Variants in MARS1 observed in about 807,000 individuals in gnomAD.
MARS1 encodes methionyl-tRNA synthetase 1.
Under a neutral mutation model 119.5 loss-of-function variants are expected in MARS1, and 80 were observed. The observed-to-expected ratio is 0.67, with a 90% CI of 0.56 to 0.81. The LOEUF is 0.81. MARS1 is among the 30% of genes least tolerant of loss of function. The pLI is 0.00. For missense variants in MARS1, 945 were observed against 1,116.5 expected, an observed-to-expected ratio of 0.85 and a Z score of 2.19; for synonymous variants, 418 against 433.4, an observed-to-expected ratio of 0.96 and a Z score of 0.44.
chr12:57,496,115 C>T (rs1024749529), intron 7 of MARS1, among the ~76,000 whole-genome samples: 46 of 151,576 alleles, frequency 3.0e-4, no homozygotes, highest in African/African-American at 9.9e-4. Flanking sequence ...CCACTTGTCT[C>T]GGCCTCCCAA....
Position 57,516,616 on chromosome 12 carries a change from T to G in MARS1, c.*35T>G, listed in dbSNP as rs760924937. Reference sequence around the variant, plus strand: ...GCTCATAGAAAGTCACTTTAATAGATAGGGACAGTAATAAATAAATGTACA... The same window carrying G: ...GCTCATAGAAAGTCACTTTAATAGAGAGGGACAGTAATAAATAAATGTACA... On this transcript the variant is annotated 3_prime_UTR_variant, in exon 21 of 21. Transcript: ENST00000262027. The G allele has an allele frequency of 6.5e-7, 1 of 1,545,996 alleles. No individual in the cohort carries two copies. Among genetic ancestry groups the G allele is most frequent in the African/African-American group, 1.4e-5 (1 of 71,974 alleles).
intron 9 of MARS1, among the ~76,000 whole-genome samples, chr12:57,499,065 C>T (rs1876784083): frequency 2.1e-5 from 3 of 143,838 alleles, no homozygotes; most frequent in South Asian, 2.2e-4. Context: ...GGGCGGCTCA[C>T]CGGAGGTCAG....
chr12:57,488,327 T>C (rs1875619035), intron 1 of MARS1, 128 bp downstream of exon 1: 1 of 865,628 alleles, frequency 1.2e-6, no homozygotes, highest in Non-Finnish European at 1.8e-6. Flanking sequence ...TCTCCTATTA[T>C]CCTTGATCAC....
chr12:57,488,607 T>C, intron 1 of MARS1: 1 of 1,551,102 alleles, frequency 6.4e-7, no homozygotes, highest in Non-Finnish European at 8.7e-7. Flanking sequence ...TTCCTTTCTG[T>C]TTACCTCTTC....
chr12:57,489,761 G>C (rs965981359), intron 4 of MARS1, 135 bp from the exon 5 acceptor site: 2 of 1,075,648 alleles, frequency 1.9e-6, no homozygotes, highest in Admixed American at 3.7e-5. Flanking sequence ...GTTATTGTGA[G>C]GATTAAGTGA....
intron 10 of MARS1, among the ~76,000 whole-genome samples, chr12:57,502,696 A>AT (rs1332326054): frequency 8.6e-6 from 1 of 116,376 alleles, no homozygotes; most frequent in Non-Finnish European, 1.7e-5. Flanking sequence ...ACAGAGCGAG[A>AT]TTTTGTCTCA....
In MARS1 at chr12:57,515,915, T is replaced by TA. The variant is rs1877787091; in HGVS notation, c.2392-4dup. On this transcript the variant is annotated splice_region_variant and splice_polypyrimidine_tract_variant and intron_variant, in intron 18 of 20. Coordinates refer to ENST00000262027, the MANE Select transcript of MARS1 (RefSeq NM_004990.4). The stretch of plus-strand genomic sequence containing the variant: ...GTAGATGATTCTGGAACTCTTTTTT[T>TA]ACAGGTCAGTCCCTTGTTCCAAAAA... The TA allele has an allele frequency of 6.2e-7, 1 of 1,612,256 alleles. No individual in the cohort carries two copies. The highest frequency in any genetic ancestry group is 1.3e-5 in the African/African-American group (1 of 74,782).
At chr12:57,488,570 T>C in intron 1 of MARS1, 1 of 1,550,534 alleles carries the variant, frequency 6.4e-7, no homozygotes, top group East Asian at 2.4e-5. Flanking sequence ...AGGAAATCCC[T>C]CTCTCCCCTC....
intron 11 of MARS1, among the ~76,000 whole-genome samples, chr12:57,505,395 C>G (rs1939424444): frequency 6.6e-6 from 1 of 152,102 alleles, no homozygotes; most frequent in South Asian, 2.1e-4. Context: ...CTCCTGACCT[C>G]AGGTAATCCA....
chr12:57,500,619 T>C (rs1375396902), intron 10 of MARS1, 97 bp downstream of exon 10: 42 of 1,216,032 alleles, frequency 3.5e-5, no homozygotes, highest in Non-Finnish European at 4.9e-5. Context: ...TTTAGCATTC[T>C]AGACCTTTAA....
At chr12:57,490,771 C>G in intron 7 of MARS1, 127 bp downstream of exon 7, 1 of 395,286 alleles carries the variant, frequency 2.5e-6, no homozygotes, top group Non-Finnish European at 4.4e-6. Flanking sequence ...CCTTTTAATT[C>G]TTACATCTCT....
At chr12:57,498,709 G>C in intron 9 of MARS1, 86 bp downstream of exon 9, 1 of 1,332,996 alleles carries the variant, frequency 7.5e-7, no homozygotes, top group Non-Finnish European at 1.1e-6. Flanking sequence ...AAGGAACCCG[G>C]GTGGCTGTCT....
In MARS1 at chr12:57,515,920, G is replaced by GT. The variant is rs1479389082; in HGVS notation, c.2393dup (p.Ser799GlnfsTer10). ...TGATTCTGGAACTCTTTTTTTACAGGTCAGTCCCTTGTTCCAAAAATTGGA... is the reference window on the plus strand; with the variant it reads ...TGATTCTGGAACTCTTTTTTTACAGGTTCAGTCCCTTGTTCCAAAAATTGGA... On this transcript the variant is annotated frameshift_variant and splice_region_variant, in exon 19 of 21. Transcript: ENST00000262027. LOFTEE classifies it high-confidence loss of function. 6.2e-7 allele frequency: 1 copy of GT among 1,612,688 alleles called. No homozygotes were observed. The highest frequency in any genetic ancestry group is 8.5e-7 in the Non-Finnish European group (1 of 1,179,312).
chr12:57,489,601 G>A (rs999190465), intron 4 of MARS1, 43 bp downstream of exon 4: 2 of 1,612,476 alleles, frequency 1.2e-6, no homozygotes, highest in South Asian at 1.1e-5. Flanking sequence ...GGCTTATGGT[G>A]TAAGGATTAA....
At chr12:57,505,626 C>G (rs1176595643) in intron 11 of MARS1, among the ~76,000 whole-genome samples, 1 of 151,698 alleles carries the variant, frequency 6.6e-6, no homozygotes, top group Non-Finnish European at 1.5e-5. Context: ...GCCTGGAAAA[C>G]ATAGTGAGAC....
At position 57,514,945 on chromosome 12, in the gene MARS1, C is replaced by T; in HGVS notation, c.2100-9C>T. 1 of 1,614,154 alleles carries T rather than the reference C, an allele frequency of 6.2e-7. No individual in the cohort carries two copies. Among genetic ancestry groups the T allele is most frequent in the Non-Finnish European group, 8.5e-7 (1 of 1,180,000 alleles). On this transcript the variant is annotated splice_polypyrimidine_tract_variant and intron_variant, in intron 16 of 20. Coordinates refer to ENST00000262027, the MANE Select transcript of MARS1 (RefSeq NM_004990.4). Reference sequence around the variant, plus strand: ...ACATTACACCTTGGCCTGCTTCCTCCCTTCCCAGGATCCGGGATGCCTTGC... The same window carrying T: ...ACATTACACCTTGGCCTGCTTCCTCTCTTCCCAGGATCCGGGATGCCTTGC...
At chr12:57,508,424 C>T (rs1419992784) in intron 11 of MARS1, among the ~76,000 whole-genome samples, 5 of 152,156 alleles carry the variant, frequency 3.3e-5, no homozygotes, top group Non-Finnish European at 5.9e-5. Flanking sequence ...CTCGGGAGGC[C>T]GAGGCTGGCG....
chr12:57,492,392 C>T (rs1876018134), intron 7 of MARS1, among the ~76,000 whole-genome samples: 1 of 151,656 alleles, frequency 6.6e-6, no homozygotes, highest in East Asian at 1.9e-4. Flanking sequence ...TTAAAACGGC[C>T]AGGTGCGGTG....
At position 57,498,633 on chromosome 12, in the gene MARS1, C is replaced by T; in HGVS notation, c.1091+10C>T. On this transcript the variant is annotated intron_variant, in intron 9 of 20. Transcript: ENST00000262027. Reference sequence around the variant, plus strand: ...CTCCACAGCAGACCAAGTAAGTTTCCTCTAATGAGGCAGAAATGGGGCTTG... The same window carrying T: ...CTCCACAGCAGACCAAGTAAGTTTCTTCTAATGAGGCAGAAATGGGGCTTG... The T allele has an allele frequency of 6.2e-7, 1 of 1,613,102 alleles. No homozygotes were observed. The highest frequency in any genetic ancestry group is 1.1e-5 in the South Asian group (1 of 91,046).
Sources: allele counts gnomAD v4.1 joint callset (sites outside exome capture counted in the v4.1 genomes callset), GRCh38; gene constraint gnomAD v4.1.1; transcripts MANE v1.5; gene names NCBI Gene and HGNC (gene_info 2026-07-23, HGNC 2026-07-21).